Variants in CIMIP7 observed in about 807,000 individuals in gnomAD.
CIMIP7 encodes the protein ciliary microtubule inner protein 7.
the CIMIP7 span, chr3:49,177,894 T>C: frequency 1.2e-6 from 2 of 1,613,832 alleles, no homozygotes; most frequent in Non-Finnish European, 1.7e-6. Context: ...GGCCACTGAG[T>C]CCTGGGCCTG....
At chr3:49,182,188 C>T in the CIMIP7 span, among the ~76,000 whole-genome samples, 4 of 152,216 alleles carry the variant, frequency 2.6e-5, no homozygotes, top group Non-Finnish European at 1.5e-5. Flanking sequence ...GCCTCCACAG[C>T]GTGGAAGGGG....
the CIMIP7 span, among the ~76,000 whole-genome samples, chr3:49,185,385 T>C: frequency 1.1e-4 from 16 of 150,748 alleles, no homozygotes; most frequent in African/African-American, 4.9e-5. Context: ...GGAAATATGG[T>C]GAAACCCTGT....
chr3:49,191,066 C>T, the CIMIP7 span, among the ~76,000 whole-genome samples: 1 of 152,160 alleles, frequency 6.6e-6, no homozygotes, highest in Non-Finnish European at 1.5e-5. Context: ...ATTACGTGTA[C>T]ACTCTGTGGA....
chr3:49,189,817 G>C, the CIMIP7 span: 3 of 719,124 alleles, frequency 4.2e-6, no homozygotes, highest in African/African-American at 1.7e-5. Context: ...ATCTAGAAGG[G>C]GCAGTGAGCA....
At chr3:49,178,050 A>T in the CIMIP7 span, 25 of 1,590,640 alleles carry the variant, frequency 1.6e-5, no homozygotes, top group East Asian at 5.4e-4. Context: ...GGCAATAGGG[A>T]CCCTCCTCAA....
At chr3:49,183,040 C>T in the CIMIP7 span, among the ~76,000 whole-genome samples, 13 of 152,170 alleles carry the variant, frequency 8.5e-5, no homozygotes, top group Admixed American at 1.3e-4. Context: ...TCTCGGGCCT[C>T]GGCAAGCCCA....
the CIMIP7 span, among the ~76,000 whole-genome samples, chr3:49,190,609 C>T: frequency 6.6e-6 from 1 of 151,606 alleles, no homozygotes; most frequent in Non-Finnish European, 1.5e-5. Flanking sequence ...CATTCTCCTG[C>T]CTCAGCCTCC....
chr3:49,190,958 C>T, the CIMIP7 span, among the ~76,000 whole-genome samples: 6 of 152,048 alleles, frequency 3.9e-5, no homozygotes, highest in Admixed American at 2.0e-4. Flanking sequence ...TGAGCCACTG[C>T]GCCTGGCCTG....
chr3:49,181,251 A>C, the CIMIP7 span, among the ~76,000 whole-genome samples: 1 of 150,918 alleles, frequency 6.6e-6, no homozygotes, highest in Non-Finnish European at 1.5e-5. Context: ...CTGAGGCAGG[A>C]GAATTGCTTG....
At chr3:49,190,025 C>G in the CIMIP7 span, 11 of 1,613,064 alleles carry the variant, frequency 6.8e-6, no homozygotes, top group Admixed American at 1.5e-4. Context: ...TGCCTTGTAC[C>G]TGACATCGCT....
At chr3:49,178,337 A>C in the CIMIP7 span, 1 of 757,990 alleles carries the variant, frequency 1.3e-6, no homozygotes, top group Non-Finnish European at 2.2e-6. Flanking sequence ...CCAGAGGAGA[A>C]AGTTTGTGGG....
the CIMIP7 span, among the ~76,000 whole-genome samples, chr3:49,180,575 G>A: frequency 1.3e-5 from 2 of 152,112 alleles, no homozygotes; most frequent in Non-Finnish European, 2.9e-5. Context: ...TAAAATACAG[G>A]GGCTGGCTCC....
At chr3:49,178,675 C>A in the CIMIP7 span, 745 of 680,704 alleles carry the variant, frequency 1.1e-3, 2 homozygotes, top group Non-Finnish European at 1.6e-3. Flanking sequence ...AAACTGCCAA[C>A]AGACAGAGGG....
chr3:49,178,323 T>C, the CIMIP7 span, among the ~76,000 whole-genome samples: 7 of 152,194 alleles, frequency 4.6e-5, no homozygotes, highest in African/African-American at 1.7e-4. Flanking sequence ...GAATAGGCTG[T>C]TTCCCAGAGG....
chr3:49,188,531 C>T, the CIMIP7 span, among the ~76,000 whole-genome samples: 19 of 152,202 alleles, frequency 1.2e-4, no homozygotes, highest in African/African-American at 4.6e-4. Flanking sequence ...GGCCACATCC[C>T]ACCTGGCTAT....
At chr3:49,182,301 A>T in the CIMIP7 span, among the ~76,000 whole-genome samples, 4 of 152,160 alleles carry the variant, frequency 2.6e-5, no homozygotes, top group Non-Finnish European at 5.9e-5. Context: ...GTCTGTTTTG[A>T]CAGGGCACTG....
At chr3:49,178,395 C>A in the CIMIP7 span, 1 of 1,258,942 alleles carries the variant, frequency 7.9e-7, no homozygotes, top group South Asian at 1.2e-5. Context: ...CCCTCAGTGT[C>A]ATCCCCTCCA....
the CIMIP7 span, among the ~76,000 whole-genome samples, chr3:49,184,834 T>G: frequency 5.3e-5 from 8 of 151,296 alleles, no homozygotes; most frequent in Admixed American, 1.3e-4. Context: ...TTCACTATGT[T>G]GGCCAGGCTG....
chr3:49,189,622 G>T, the CIMIP7 span, among the ~76,000 whole-genome samples: 1 of 152,174 alleles, frequency 6.6e-6, no homozygotes, highest in African/African-American at 2.4e-5. Context: ...GACCAGAGGA[G>T]GCCTCCTACT....
Sources: gnomAD v4.1 joint callset for allele counts (sites outside exome capture counted in the v4.1 genomes callset) on GRCh38, gnomAD v4.1.1 for gene constraint, MANE v1.5 for transcripts, NCBI Gene and HGNC (gene_info 2026-07-23, HGNC 2026-07-21) for gene names.